TUBB6: variants seen among roughly 807,000 people sequenced by gnomAD.
TUBB6 encodes tubulin beta-6 chain.
Under a neutral mutation model 32.3 loss-of-function variants are expected in TUBB6, and 18 were observed. That is an observed-to-expected ratio of 0.56 (90% CI 0.39 to 0.83). TUBB6 has a LOEUF of 0.83. Among genes scored for constraint, TUBB6 ranks in the 40% least tolerant of loss-of-function variants. The probability of loss-of-function intolerance (pLI) is 0.00; values close to 1 mark genes in which losing one functional copy is unlikely to be tolerated. For missense variants in TUBB6, 480 were observed against 632.0 expected, an observed-to-expected ratio of 0.76 and a Z score of 2.58; for synonymous variants, 280 against 265.8, an observed-to-expected ratio of 1.05 and a Z score of -0.52.
At chr18:12,309,510 G>A (rs1271239785) in intron 2 of TUBB6, among the ~76,000 whole-genome samples, 1 of 147,830 alleles carries the variant, frequency 6.8e-6, no homozygotes, top group African/African-American at 2.5e-5. Context: ...CCTCTAAAAA[G>A]ACTTTAACCT....
At chr18:12,318,487 G>A (rs1306919964) in intron 3 of TUBB6, among the ~76,000 whole-genome samples, 5 of 150,930 alleles carry the variant, frequency 3.3e-5, no homozygotes, top group Non-Finnish European at 7.4e-5. Flanking sequence ...CCAGGCCCAC[G>A]GGGTGTGCTG....
intron 3 of TUBB6, chr18:12,324,714 G>C: frequency 1.7e-6 from 2 of 1,162,856 alleles, no homozygotes; most frequent in Non-Finnish European, 1.1e-6. Flanking sequence ...GCCTCCCAAA[G>C]TGCTGGGATT....
At chr18:12,321,967 G>T (rs1233146793) in intron 3 of TUBB6, among the ~76,000 whole-genome samples, 1 of 152,136 alleles carries the variant, frequency 6.6e-6, no homozygotes, top group African/African-American at 2.4e-5. Flanking sequence ...AAAATGTCAT[G>T]ACCTGCAAGT....
At chr18:12,311,689 G>C (rs933544444) in intron 3 of TUBB6, among the ~76,000 whole-genome samples, 2 of 152,142 alleles carry the variant, frequency 1.3e-5, no homozygotes, top group African/African-American at 2.4e-5. Context: ...TTTGCCATTT[G>C]TTTTTGGTTC....
intron 3 of TUBB6, among the ~76,000 whole-genome samples, chr18:12,323,491 T>C (rs1286053185): frequency 1.3e-5 from 2 of 152,126 alleles, no homozygotes; most frequent in Admixed American, 6.6e-5. Flanking sequence ...AAGTAAGATA[T>C]ACATAAGCCT....
rs143181795 is a variant in TUBB6, at chr18:12,311,033, G to T, written c.257G>T (p.Arg86Leu). The change falls in exon 3 of 4, where the codon CGG (arginine) becomes CTG (leucine). Residue 86 changes from arginine to leucine, a missense_variant. By Grantham distance (102) the Arg-to-Leu change is moderately radical (BLOSUM62 -2). Coordinates refer to ENST00000317702, the MANE Select transcript of TUBB6 (RefSeq NM_032525.3). ...VRSGPFGQLF[R>L]PDNFIFGQTG... ...TCTGGGCCTTTTGGGCAGCTTTTCC[G>T]GCCTGACAACTTCATCTTTGGTAGG... The T allele has an allele frequency of 2.5e-6, 4 of 1,612,950 alleles. No homozygotes were observed. The highest frequency in any genetic ancestry group is 3.4e-6 in the Non-Finnish European group (4 of 1,179,496).
In TUBB6 at chr18:12,326,104, G is replaced by A. The variant is rs769164974; in HGVS notation, c.1315G>A (p.Asp439Asn). 6.2e-7 allele frequency: 1 copy of A among 1,613,870 alleles called. No individual in the cohort carries two copies. The highest frequency in any genetic ancestry group is 8.5e-7 in the Non-Finnish European group (1 of 1,179,846). Residue 439 changes from aspartate (D) to asparagine (N), a missense_variant, in exon 4 of 4, where the codon GAT (aspartate) becomes AAT (asparagine). Transcript: ENST00000317702. ...CAATGACGGGGAGGAAGCTTTTGAGGATGAGGAAGAGGAGATCGATGGATA... is the reference window on the plus strand; with the variant it reads ...CAATGACGGGGAGGAAGCTTTTGAGAATGAGGAAGAGGAGATCGATGGATA... Reference protein sequence around the residue: ...TANDGEEAFEDEEEEIDG With the variant: ...TANDGEEAFENEEEEIDG
chr18:12,313,044 T>C (rs1265757638), intron 3 of TUBB6, among the ~76,000 whole-genome samples: 2 of 150,994 alleles, frequency 1.3e-5, no homozygotes, highest in Non-Finnish European at 1.5e-5. Flanking sequence ...GTTCCTGATT[T>C]GTAGAGGACA....
chr18:12,329,707 G>A (rs543969956), downstream of TUBB6: 33 of 1,614,128 alleles, frequency 2.0e-5, no homozygotes, highest in South Asian at 3.3e-5. Flanking sequence ...AGATTTTTCC[G>A]CAAATGGTCT....
intron 3 of TUBB6, among the ~76,000 whole-genome samples, chr18:12,315,663 C>T (rs760989710): frequency 3.9e-5 from 6 of 152,190 alleles, no homozygotes; most frequent in Non-Finnish European, 5.9e-5. Flanking sequence ...CCAGGACTCA[C>T]GCATAGAGGA....
At chr18:12,312,754 C>T (rs546324059) in intron 3 of TUBB6, among the ~76,000 whole-genome samples, 206 of 151,998 alleles carry the variant, frequency 1.4e-3, no homozygotes, top group Non-Finnish European at 2.5e-3. Flanking sequence ...AATCCCAGCA[C>T]TTTGGGAGGC....
Position 12,308,472 on chromosome 18 carries a change from C to T in TUBB6, c.57+123C>T, listed in dbSNP as rs1405529251. 11 of 895,678 alleles carry T rather than the reference C, an allele frequency of 1.2e-5. No homozygotes were observed. In the Admixed American group the frequency reaches 2.2e-4, roughly 18 times the overall value. The allele number at this position is 895,678 out of a possible 1,614,324, so 55.5% of individuals were successfully genotyped here. A position where few individuals can be genotyped will look rare whatever the true frequency, so the allele number is the denominator to read the frequency against. ...GCCCCTGGGTCCTCGGAGCCCGGTG[C>T]GGACCCGCGAGGGCCGCAGGGAGGG... On this transcript the variant is annotated intron_variant, in intron 1 of 3. Transcript: ENST00000317702.
At chr18:12,310,305 C>T (rs1355056214) in intron 2 of TUBB6, among the ~76,000 whole-genome samples, 7 of 151,708 alleles carry the variant, frequency 4.6e-5, no homozygotes, top group East Asian at 1.9e-4. Context: ...CTGGCTAACA[C>T]GGTGAAACCC....
At position 12,325,274 on chromosome 18, in the gene TUBB6, G is replaced by A. The variant is rs747446104; in HGVS notation, c.485G>A (p.Arg162His). 6.2e-6 allele frequency: 10 copies of A among 1,614,054 alleles called. No homozygotes were observed. The highest frequency in any genetic ancestry group is 1.7e-6 in the Non-Finnish European group (2 of 1,180,030). ...ISKIREEFPD[R>H]IMNTFSVMPS... is the part of the protein sequence containing the mutation. ...AAGATCCGTGAGGAGTTCCCGGACCGCATCATGAACACCTTCAGCGTCATG... is the reference window on the plus strand; with the variant it reads ...AAGATCCGTGAGGAGTTCCCGGACCACATCATGAACACCTTCAGCGTCATG... Residue 162 changes from arginine (R) to histidine (H), a missense_variant, in exon 4 of 4, where the codon CGC becomes CAC. Arg to His is a conservative substitution (Grantham distance 29, BLOSUM62 0). Coordinates refer to ENST00000317702, the MANE Select transcript of TUBB6 (RefSeq NM_032525.3).
rs1370043709 is a variant in TUBB6, at chr18:12,308,867, G to T, written c.166+72G>T. 1.8e-5 allele frequency: 19 copies of T among 1,041,826 alleles called. No homozygotes were observed. In the East Asian group the frequency reaches 4.7e-4, roughly 26 times the overall value. The allele number at this position is 1,041,826 out of a possible 1,614,324, so 64.5% of individuals were successfully genotyped here. ...ACGCTCCGGCGCCGCCTCTTAGCGCGGCGAGTTTGCTTCGGGAAAAGTTCT... is the reference window on the plus strand; with the variant it reads ...ACGCTCCGGCGCCGCCTCTTAGCGCTGCGAGTTTGCTTCGGGAAAAGTTCT... On this transcript the variant is annotated intron_variant, in intron 2 of 3. Coordinates refer to ENST00000317702, the MANE Select transcript of TUBB6 (RefSeq NM_032525.3).
intron 3 of TUBB6, among the ~76,000 whole-genome samples, chr18:12,316,970 C>A (rs1906705666): frequency 6.6e-6 from 1 of 152,026 alleles, no homozygotes; most frequent in South Asian, 2.1e-4. Flanking sequence ...ACCAGCCTGG[C>A]CAACATGGTG....
Position 12,325,491 on chromosome 18 carries a change from T to TG in TUBB6, c.706dup (p.Val236GlyfsTer14). 6.2e-7 allele frequency: 1 copy of TG among 1,614,140 alleles called. No individual in the cohort carries two copies. On this transcript the variant is annotated frameshift_variant, in exon 4 of 4. Transcript: ENST00000317702. LOFTEE classifies it high-confidence loss of function. ...ACCACCTGGTGTCCGCCACCATGAG[T>TG]GGGGTCACCACCTCGCTGCGCTTCC...
downstream of TUBB6, chr18:12,329,622 C>A: frequency 6.2e-7 from 1 of 1,614,192 alleles, no homozygotes; most frequent in South Asian, 1.1e-5. Flanking sequence ...GCTCCTTGTT[C>A]CAGTCCTTAA....
downstream of TUBB6, among the ~76,000 whole-genome samples, chr18:12,327,686 CAG>C (rs548373534): frequency 6.2e-4 from 94 of 152,338 alleles, no homozygotes; most frequent in African/African-American, 2.2e-3. Context: ...GCTCCTAGCA[CAG>C]AGGGCCACTT....
Sources: allele counts gnomAD v4.1 joint callset (sites outside exome capture counted in the v4.1 genomes callset), GRCh38; gene constraint gnomAD v4.1.1; transcripts MANE v1.5; gene names NCBI Gene and HGNC (gene_info 2026-07-23, HGNC 2026-07-21).